SCFD2: variants seen among roughly 807,000 people sequenced by gnomAD.
SCFD2 encodes the protein sec1 family domain containing 2, also known as sec1 family domain-containing protein 2.
Under a neutral mutation model 58.9 loss-of-function variants are expected in SCFD2, and 54 were observed. The observed-to-expected ratio is 0.92, with a 90% CI of 0.74 to 1.15. The LOEUF (loss-of-function observed/expected upper bound fraction) is 1.15. Ranked by LOEUF, SCFD2 falls within the 50% of genes most tolerant of loss-of-function variation. The probability of loss-of-function intolerance (pLI) is 0.00; values close to 1 mark genes in which losing one functional copy is unlikely to be tolerated. For missense variants in SCFD2, 805 were observed against 836.6 expected, an observed-to-expected ratio of 0.96 and a Z score of 0.47; for synonymous variants, 321 against 335.9, an observed-to-expected ratio of 0.96 and a Z score of 0.49.
chr4:53,195,694 T>C (rs1728037909), intron 4 of SCFD2, among the ~76,000 whole-genome samples: 1 of 152,204 alleles, frequency 6.6e-6, no homozygotes, highest in East Asian at 1.9e-4. Flanking sequence ...GATTCAGTAC[T>C]ACCTGGATTG....
chr4:53,079,698 G>A (rs1430385295), intron 5 of SCFD2, among the ~76,000 whole-genome samples: 1 of 152,118 alleles, frequency 6.6e-6, no homozygotes, highest in Non-Finnish European at 1.5e-5. Context: ...ACCATTATAT[G>A]GTTCCTGGCA....
chr4:53,129,480 TC>T (rs1243180747), intron 5 of SCFD2, among the ~76,000 whole-genome samples: 1 of 152,222 alleles, frequency 6.6e-6, no homozygotes, highest in African/African-American at 2.4e-5. Context: ...ACATACATTC[TC>T]CTTCTGGCTT....
chr4:53,090,921 G>A (rs542533629), intron 5 of SCFD2, among the ~76,000 whole-genome samples: 30 of 152,170 alleles, frequency 2.0e-4, no homozygotes, highest in African/African-American at 5.3e-4. Flanking sequence ...ACTTGTTTAC[G>A]TCCAAGAATT....
At position 52,984,675 on chromosome 4, in the gene SCFD2, A is replaced by G. The variant is rs925046076; in HGVS notation, c.1562-63805T>C. ...AGTAGTTCTTCTTGTTGAATCATCA[A>G]CGACAAATCCTTAGGTCGGCAGAGG... On this transcript the variant is annotated intron_variant, in intron 5 of 8. Transcript: ENST00000401642. Among the ~76,000 whole-genome samples the G allele has an allele frequency of 5.3e-5, 8 of 152,334 alleles. No individual in the cohort carries two copies. In the East Asian group the frequency reaches 1.3e-3, roughly 26 times the overall value.
At chr4:53,122,518 G>A (rs1725508887) in intron 5 of SCFD2, among the ~76,000 whole-genome samples, 1 of 152,164 alleles carries the variant, frequency 6.6e-6, no homozygotes, top group Non-Finnish European at 1.5e-5. Context: ...GCACAGCTGT[G>A]TCACAATAAA....
chr4:53,102,497 T>A (rs1724858335), intron 5 of SCFD2, among the ~76,000 whole-genome samples: 1 of 151,860 alleles, frequency 6.6e-6, no homozygotes, highest in African/African-American at 2.4e-5. Context: ...TATAAAGAAC[T>A]AATATTCATA....
At chr4:53,158,952 T>G (rs1726773016) in intron 4 of SCFD2, among the ~76,000 whole-genome samples, 1 of 152,224 alleles carries the variant, frequency 6.6e-6, no homozygotes, top group Admixed American at 6.5e-5. Flanking sequence ...ATGGGTTAAA[T>G]GTGCCTATTT....
At chr4:53,283,500 G>C (rs1316773635) in intron 3 of SCFD2, among the ~76,000 whole-genome samples, 11 of 152,108 alleles carry the variant, frequency 7.2e-5, no homozygotes, top group Non-Finnish European at 1.5e-5. Flanking sequence ...GGATGGGTGA[G>C]TACTAGTTTT....
chr4:53,095,125 T>C (rs1479893093), intron 5 of SCFD2, among the ~76,000 whole-genome samples: 1 of 152,194 alleles, frequency 6.6e-6, no homozygotes. Context: ...TTTCTCTAAC[T>C]ATACTCAATC....
chr4:53,353,449 G>C (rs560788632), intron 1 of SCFD2, among the ~76,000 whole-genome samples: 3 of 152,240 alleles, frequency 2.0e-5, no homozygotes, highest in Non-Finnish European at 2.9e-5. Flanking sequence ...GTGTGGTAAG[G>C]GACCCAACCA....
chr4:52,890,122 T>G (rs1270401624), intron 7 of SCFD2, among the ~76,000 whole-genome samples: 1 of 152,236 alleles, frequency 6.6e-6, no homozygotes, highest in Non-Finnish European at 1.5e-5. Flanking sequence ...CTTCCAGCCC[T>G]ACAAACAATT....
chr4:53,216,183 TC>T (rs1728825308), intron 4 of SCFD2, among the ~76,000 whole-genome samples: 1 of 152,122 alleles, frequency 6.6e-6, no homozygotes, highest in South Asian at 2.1e-4. Context: ...GGAGGATTCC[TC>T]CTTTTTCTAT....
At chr4:53,164,523 G>A (rs1301290341) in intron 4 of SCFD2, among the ~76,000 whole-genome samples, 1 of 152,210 alleles carries the variant, frequency 6.6e-6, no homozygotes, top group Admixed American at 6.5e-5. Flanking sequence ...GCAGAATGTG[G>A]TGTCTCATGC....
rs116517697 is a variant in SCFD2, at chr4:53,280,942, G to C, written c.1136-6941C>G. On this transcript the variant is annotated intron_variant, in intron 3 of 8. Coordinates refer to ENST00000401642, the MANE Select transcript of SCFD2 (RefSeq NM_152540.4). The stretch of plus-strand genomic sequence containing the variant: ...ACATTTTGTGCTATCAAAGACAGCA[G>C]CTAAACACAAAGTAAATGAGCACAA... Among the ~76,000 whole-genome samples, 1,122 of 152,234 alleles carry C rather than the reference G, an allele frequency of 7.4e-3. 7 individuals are homozygous for C. The highest frequency in any genetic ancestry group is 0.026 in the African/African-American group (1,067 of 41,522).
rs560601591 is a variant in SCFD2 at position 53,341,518 on chromosome 4, G to C, written c.1007+11080C>G. 5.3e-5 allele frequency among the ~76,000 whole-genome samples: 8 copies of C among 152,324 alleles called. No individual in the cohort carries two copies. The East Asian group carries it at 1.5e-3, about 29-fold the overall frequency. ...AAAGTGACAGGGAGAATGGAACCAA[G>C]TTGGAAAAGACTCTGCAGGATATTT... On this transcript the variant is annotated intron_variant, in intron 2 of 8. Coordinates refer to ENST00000401642, the MANE Select transcript of SCFD2 (RefSeq NM_152540.4).
chr4:53,034,237 T>A (rs1272004094), intron 5 of SCFD2, among the ~76,000 whole-genome samples: 4 of 152,072 alleles, frequency 2.6e-5, no homozygotes, highest in African/African-American at 9.7e-5. Flanking sequence ...ATTATCTCAA[T>A]AGATATGCAG....
chr4:53,333,447 A>G (rs1340445364), intron 2 of SCFD2, among the ~76,000 whole-genome samples: 35 of 137,766 alleles, frequency 2.5e-4, no homozygotes, highest in Non-Finnish European at 3.9e-4. Flanking sequence ...ATAATGCCGC[A>G]TATCTACAAC....
intron 7 of SCFD2, among the ~76,000 whole-genome samples, chr4:52,903,447 C>A (rs549100054): frequency 1.4e-4 from 22 of 152,126 alleles, no homozygotes; most frequent in Non-Finnish European, 2.6e-4. Context: ...GAGATAGAAG[C>A]TTTTGGCTTA....
At chr4:53,304,335 G>A (rs147990240) in intron 3 of SCFD2, among the ~76,000 whole-genome samples, 4,891 of 151,930 alleles carry the variant, frequency 0.032, 160 homozygotes, top group African/African-American at 0.088. Context: ...GAGTATCTTC[G>A]TGGTGTTCTC....
Sources: gnomAD v4.1 joint callset for allele counts (sites outside exome capture counted in the v4.1 genomes callset) on GRCh38, gnomAD v4.1.1 for gene constraint, MANE v1.5 for transcripts, NCBI Gene and HGNC (gene_info 2026-07-23, HGNC 2026-07-21) for gene names.